The following SLIT3 variants were observed in gnomAD, a reference collection of about 807,000 sequenced individuals.
SLIT3 encodes the protein slit guidance ligand 3.
In SLIT3, 68 loss-of-function variants were observed where a neutral mutation model predicts 184.0. The observed-to-expected ratio is 0.37, with a 90% CI of 0.30 to 0.45. SLIT3 has a LOEUF of 0.45. SLIT3 is among the 20% of genes least tolerant of loss of function. The pLI is 1.00. For synonymous variants in SLIT3, 831 were observed against 828.6 expected (o/e 1.00, Z -0.05); for missense variants, 1,707 against 2,026.0 (o/e 0.84, Z 3.02).
intron 4 of SLIT3, among the ~76,000 whole-genome samples, chr5:168,959,424 T>C (rs933875232): frequency 1.5e-4 from 23 of 152,182 alleles, no homozygotes; most frequent in Admixed American, 5.2e-4. Flanking sequence ...TGATCAAACC[T>C]GTATAAGAAA....
At chr5:169,259,946 C>G (rs1766107369) in intron 1 of SLIT3, among the ~76,000 whole-genome samples, 1 of 152,008 alleles carries the variant, frequency 6.6e-6, no homozygotes, top group African/African-American at 2.4e-5. Context: ...GGTCTAAACA[C>G]CAAGGGGAGT....
chr5:168,857,196 C>T (rs897718692), intron 5 of SLIT3, among the ~76,000 whole-genome samples: 3 of 152,236 alleles, frequency 2.0e-5, no homozygotes, highest in South Asian at 2.1e-4. Flanking sequence ...ATTGCAGCTA[C>T]TTCTACTTAA....
intron 4 of SLIT3, among the ~76,000 whole-genome samples, chr5:169,064,991 A>C (rs1363388456): frequency 6.6e-6 from 1 of 152,092 alleles, no homozygotes; most frequent in African/African-American, 2.4e-5. Flanking sequence ...CCCACTATTT[A>C]ATTTTATCCT....
chr5:168,699,300 C>A (rs964153976), intron 27 of SLIT3, among the ~76,000 whole-genome samples: 2 of 152,236 alleles, frequency 1.3e-5, no homozygotes, highest in African/African-American at 4.8e-5. Flanking sequence ...CCAGACCACA[C>A]GGCAGCACTG....
intron 4 of SLIT3, among the ~76,000 whole-genome samples, chr5:169,169,666 T>C (rs1217238254): frequency 6.6e-6 from 1 of 152,210 alleles, no homozygotes; most frequent in Non-Finnish European, 1.5e-5. Context: ...TCAGTTCAGA[T>C]GGTAATTAGC....
chr5:168,854,044 C>G (rs1041271949), intron 5 of SLIT3, among the ~76,000 whole-genome samples: 1 of 152,052 alleles, frequency 6.6e-6, no homozygotes, highest in Non-Finnish European at 1.5e-5. Flanking sequence ...AGGAGAAAAC[C>G]GAGGTTCAGA....
intron 5 of SLIT3, among the ~76,000 whole-genome samples, chr5:168,859,965 C>T (rs534862168): frequency 9.9e-5 from 15 of 151,946 alleles, no homozygotes; most frequent in African/African-American, 3.6e-4. Flanking sequence ...ATCTATGATC[C>T]TACCTTCCTC....
intron 4 of SLIT3, among the ~76,000 whole-genome samples, chr5:169,010,376 T>C (rs1347947132): frequency 6.6e-6 from 1 of 152,184 alleles, no homozygotes; most frequent in Non-Finnish European, 1.5e-5. Context: ...AGGGTGGAAC[T>C]GAAGCGATTT....
chr5:168,696,337 C>G lies in SLIT3; in HGVS notation c.3037G>C (p.Asp1013His). Residue 1013 changes from aspartate to histidine, a missense_variant, in exon 28 of 36, where the codon GAC (aspartate) becomes CAC (histidine). Asp to His is a moderately conservative substitution (Grantham distance 81, BLOSUM62 -1). Transcript: ENST00000519560. ...ATACACACGTAGTTGTTGATCCCGT[C>G]CACGCAGGTGGCATTGTTTTCGCAG... ...NDCENNATCV[D>H]GINNYVCICP... 1 of 1,614,198 alleles carries G rather than the reference C, an allele frequency of 6.2e-7. No individual in the cohort carries two copies. The highest frequency in any genetic ancestry group is 8.5e-7 in the Non-Finnish European group (1 of 1,180,030).
At chr5:168,780,526 C>T (rs943026839) in intron 12 of SLIT3, among the ~76,000 whole-genome samples, 3 of 152,184 alleles carry the variant, frequency 2.0e-5, no homozygotes, top group Non-Finnish European at 2.9e-5. Flanking sequence ...GGAGAATTTA[C>T]AAAAAGTGGG....
intron 4 of SLIT3, among the ~76,000 whole-genome samples, chr5:169,071,995 G>A (rs891797639): frequency 4.6e-5 from 7 of 151,872 alleles, no homozygotes; most frequent in African/African-American, 1.4e-4. Context: ...GGCTTGAGTT[G>A]GAACTAGAAC....
intron 4 of SLIT3, among the ~76,000 whole-genome samples, chr5:168,988,405 T>C (rs1755206169): frequency 6.6e-6 from 1 of 152,144 alleles, no homozygotes; most frequent in South Asian, 2.1e-4. Context: ...AGATCCTGCA[T>C]GATGGGGAGA....
intron 4 of SLIT3, among the ~76,000 whole-genome samples, chr5:168,917,608 CCT>C (rs1362712751): frequency 6.6e-6 from 1 of 152,150 alleles, no homozygotes; most frequent in Non-Finnish European, 1.5e-5. Context: ...TCTGGGGTTC[CCT>C]GTCAGCCTTC....
Position 168,708,082 on chromosome 5 carries a change from A to G in SLIT3, c.2738T>C (p.Ile913Thr), listed in dbSNP as rs1386717703. ...FQCKGPVDIN[I>T]VAKCNACLSS... ...GAGGCAGGCATTGCATTTGGCCACAATGTTGATGTCCACTGGCCCTGGGCA... is the reference window on the plus strand; with the variant it reads ...GAGGCAGGCATTGCATTTGGCCACAGTGTTGATGTCCACTGGCCCTGGGCA... The change falls in exon 26 of 36, where the codon ATT becomes ACT. Residue 913 changes from isoleucine to threonine, a missense_variant. Physicochemically the swap from Ile to Thr is moderately conservative, Grantham distance 89. This residue lies in a region of SLIT3 where 1,307 missense variants were observed against 1,511.6 expected (regional missense o/e 0.86). Coordinates refer to ENST00000519560, the MANE Select transcript of SLIT3 (RefSeq NM_003062.4). The G allele has an allele frequency of 1.9e-6, 3 of 1,614,206 alleles. No homozygotes were observed. The highest frequency in any genetic ancestry group is 1.1e-5 in the South Asian group (1 of 91,090).
At position 168,817,332 on chromosome 5, in the gene SLIT3, G is replaced by A. The variant is rs148711550; in HGVS notation, c.761C>T (p.Ala254Val). ...CACGTACTCCTTCTTCTGCACATCC[G>A]CCACGTTGAAGCCCCTCAAATGCAC... Reference protein sequence around the residue: ...APVHLRGFNVADVQKKEYVCP... With the variant: ...APVHLRGFNVVDVQKKEYVCP... The change falls in exon 8 of 36, where the codon GCG (alanine) becomes GTG (valine). Residue 254 changes from alanine (A) to valine (V), a missense_variant. Around this residue, in one of 3 missense-constraint regions of SLIT3, gnomAD observed 1,307 missense variants for 1,511.6 expected, o/e 0.86. Coordinates refer to ENST00000519560, the MANE Select transcript of SLIT3 (RefSeq NM_003062.4). The A allele has an allele frequency of 5.4e-5, 87 of 1,614,162 alleles. No individual in the cohort carries two copies. The African/African-American group carries it at 7.1e-4, about 13-fold the overall frequency.
chr5:168,863,479 G>A (rs578160353), intron 5 of SLIT3, among the ~76,000 whole-genome samples: 9 of 152,294 alleles, frequency 5.9e-5, no homozygotes, highest in Admixed American at 2.6e-4. Context: ...AGAAATGCCC[G>A]TTGAATACAA....
Position 169,257,393 on chromosome 5 carries a change from C to T in SLIT3, c.198-5934G>A, listed in dbSNP as rs560369126. Among the ~76,000 whole-genome samples the T allele has an allele frequency of 1.3e-3, 194 of 149,874 alleles. 1 individual carries two copies. The highest frequency in any genetic ancestry group is 4.6e-3 in the African/African-American group (186 of 40,692). ...CACCCCAACCTCCCCGCCCCCACCC[C>T]GCCCCACAACCATTTACACACATTA... is the stretch of plus-strand genomic sequence containing the variant. On this transcript the variant is annotated intron_variant, in intron 1 of 35. Transcript: ENST00000519560.
chr5:169,122,776 A>G (rs1426758440), intron 4 of SLIT3, among the ~76,000 whole-genome samples: 2 of 152,184 alleles, frequency 1.3e-5, no homozygotes, highest in African/African-American at 4.8e-5. Flanking sequence ...ACCTTTCAAC[A>G]TCAAATATTC....
At chr5:168,841,602 T>C (rs1455924401) in intron 6 of SLIT3, among the ~76,000 whole-genome samples, 1 of 87,034 alleles carries the variant, frequency 1.1e-5, no homozygotes, top group Non-Finnish European at 2.4e-5. Flanking sequence ...TTTCTTCTCA[T>C]ACATAGTCAG....
Sources: allele counts gnomAD v4.1 joint callset (sites outside exome capture counted in the v4.1 genomes callset), GRCh38; gene constraint gnomAD v4.1.1; regional missense constraint gnomAD v4.1.1; transcripts MANE v1.5; gene names NCBI Gene and HGNC (gene_info 2026-07-23, HGNC 2026-07-21).